Variants in TEK observed in about 807,000 individuals in gnomAD.
TEK encodes TEK receptor tyrosine kinase, also known as angiopoietin-1 receptor.
TEK carries 43 observed loss-of-function variants against 131.8 expected under a neutral mutation model. The observed-to-expected ratio is 0.33, with a 90% CI of 0.26 to 0.42. The LOEUF (loss-of-function observed/expected upper bound fraction) is 0.42. Ranked by LOEUF, TEK falls within the 10% of genes least tolerant of loss-of-function variation. TEK has a pLI of 1.00. For synonymous variants in TEK, 580 were observed against 491.6 expected (o/e 1.18, Z -2.38); for missense variants, 1,162 against 1,384.4 (o/e 0.84, Z 2.55).
chr9:27,110,090 T>C (rs1444186846), intron 1 of TEK, among the ~76,000 whole-genome samples: 1 of 152,018 alleles, frequency 6.6e-6, no homozygotes, highest in African/African-American at 2.4e-5. Flanking sequence ...AGATTGTCAC[T>C]GTTAAAAGGG....
Position 27,130,492 on chromosome 9 carries a change from A to G in TEK, c.52+20850A>G, listed in dbSNP as rs186557252. On this transcript the variant is annotated intron_variant, in intron 1 of 22. Coordinates refer to ENST00000380036, the MANE Select transcript of TEK (RefSeq NM_000459.5). ...ACTTTTTAAGTTTAAAACACAATAGAAGAAACCACAAAACTAAAAATCAGC... is the reference window on the plus strand; with the variant it reads ...ACTTTTTAAGTTTAAAACACAATAGGAGAAACCACAAAACTAAAAATCAGC... 2.6e-3 allele frequency among the ~76,000 whole-genome samples: 396 copies of G among 152,294 alleles called. 3 individuals are homozygous for G. Among genetic ancestry groups the G allele is most frequent in the African/African-American group, 9.1e-3 (379 of 41,566 alleles).
intron 18 of TEK, among the ~76,000 whole-genome samples, chr9:27,214,293 T>G (rs1477890319): frequency 6.6e-6 from 1 of 152,170 alleles, no homozygotes. Context: ...CCATCCTCTC[T>G]TTTCCTTGGG....
At chr9:27,152,618 A>G in intron 1 of TEK, among the ~76,000 whole-genome samples, 1 of 148,636 alleles carries the variant, frequency 6.7e-6, no homozygotes, top group African/African-American at 2.5e-5. Flanking sequence ...AATAAAATAA[A>G]ATAAAGTTGA....
At chr9:27,172,328 G>A (rs1479045497) in intron 4 of TEK, among the ~76,000 whole-genome samples, 2 of 152,164 alleles carry the variant, frequency 1.3e-5, no homozygotes, top group African/African-American at 2.4e-5. Flanking sequence ...TTGCTACTTA[G>A]TTGGTCCTGC....
At chr9:27,169,333 C>T in intron 3 of TEK, 144 bp from the exon 4 acceptor site, 1 of 1,078,148 alleles carries the variant, frequency 9.3e-7, no homozygotes, top group East Asian at 2.4e-5. Flanking sequence ...AATAGTTCAG[C>T]ATTTTCATTC....
At chr9:27,180,668 A>T (rs868349925) in intron 7 of TEK, among the ~76,000 whole-genome samples, 1 of 152,118 alleles carries the variant, frequency 6.6e-6, no homozygotes, top group Middle Eastern at 3.2e-3. Flanking sequence ...TCTAGGACCA[A>T]CCTTTTCCCT....
At chr9:27,114,883 T>C (rs1821489658) in intron 1 of TEK, among the ~76,000 whole-genome samples, 1 of 152,234 alleles carries the variant, frequency 6.6e-6, no homozygotes, top group African/African-American at 2.4e-5. Context: ...TAGATATTTA[T>C]TGAGTTACTG....
At chr9:27,179,980 C>G (rs1824301747) in intron 6 of TEK, among the ~76,000 whole-genome samples, 3 of 152,184 alleles carry the variant, frequency 2.0e-5, no homozygotes, top group Non-Finnish European at 4.4e-5. Flanking sequence ...CTATCCCACT[C>G]TTAAGTGCTT....
intron 1 of TEK, among the ~76,000 whole-genome samples, chr9:27,138,195 G>A (rs1011383523): frequency 6.6e-6 from 1 of 152,244 alleles, no homozygotes; most frequent in Admixed American, 6.5e-5. Flanking sequence ...ATTGTGAAGA[G>A]CAAAAGAACA....
chr9:27,177,330 T>C (rs1301707704), intron 6 of TEK, among the ~76,000 whole-genome samples: 1 of 152,256 alleles, frequency 6.6e-6, no homozygotes, highest in Non-Finnish European at 1.5e-5. Flanking sequence ...GGTTCCCTAT[T>C]ATCTACATCC....
rs114377860 is a variant in TEK, at chr9:27,164,915, A to G, written c.365-3580A>G. Among the ~76,000 whole-genome samples the G allele has an allele frequency of 4.2e-3, 643 of 152,326 alleles. 3 individuals are homozygous for G. The highest frequency in any genetic ancestry group is 0.015 in the African/African-American group (617 of 41,584). ...CTATTAAAAGGTATTTATCGTTTTTATGGCCTAGTCAAGTCACATAACATC... is the reference window on the plus strand; with the variant it reads ...CTATTAAAAGGTATTTATCGTTTTTGTGGCCTAGTCAAGTCACATAACATC... On this transcript the variant is annotated intron_variant, in intron 2 of 22. Coordinates refer to ENST00000380036, the MANE Select transcript of TEK (RefSeq NM_000459.5).
At position 27,185,610 on chromosome 9, in the gene TEK, C is replaced by T. The variant is rs2131174538; in HGVS notation, c.1308C>T (p.Pro436=). Reference sequence around the variant, plus strand: ...CAGTGGCTGGGATGGTGGAAAAGCCCTTCAACATTTCTGTTAAAGGTAAGT... The same window carrying T: ...CAGTGGCTGGGATGGTGGAAAAGCCTTTCAACATTTCTGTTAAAGGTAAGT... ...VNTVAGMVEK[P]FNISVKVLPK... is the part of the protein sequence containing the mutation. Residue 436 remains proline (P), a synonymous_variant, in exon 9 of 23, where the codon CCC becomes CCT. Transcript: ENST00000380036. 1.2e-6 allele frequency: 2 copies of T among 1,613,678 alleles called. No individual in the cohort carries two copies. Among genetic ancestry groups the T allele is most frequent in the East Asian group, 2.2e-5 (1 of 44,858 alleles).
At chr9:27,170,915 A>C (rs1354390217) in intron 4 of TEK, among the ~76,000 whole-genome samples, 1 of 152,222 alleles carries the variant, frequency 6.6e-6, no homozygotes, top group Non-Finnish European at 1.5e-5. Context: ...ATAATCATCC[A>C]TATAAAAAGG....
chr9:27,222,909 TAAAGG>T, intron 21 of TEK, among the ~76,000 whole-genome samples: 2 of 151,898 alleles, frequency 1.3e-5, no homozygotes, highest in African/African-American at 4.8e-5. Context: ...AGGCTCAAAA[TAAAGG>T]GACAGAGGCA....
chr9:27,180,345 A>C lies in TEK; in HGVS notation c.1007A>C (p.Gln336Pro), dbSNP rs772115655. ...GGATGTCTCTGCTCTCCAGGATGGC[A>C]GGGGCTCCAGTGTGAGAGAGAAGGT... ...FQGCLCSPGWQGLQCEREGIQ... is the reference protein window; with the variant it reads ...FQGCLCSPGWPGLQCEREGIQ... The change falls in exon 7 of 23, where the codon CAG becomes CCG. Residue 336 changes from glutamine (Q) to proline (P), a missense_variant. Physicochemically the swap from Gln to Pro is moderately conservative, Grantham distance 76. Around this residue, in one of 6 missense-constraint regions of TEK, gnomAD observed 436 missense variants for 539.1 expected, o/e 0.81. Transcript: ENST00000380036. The C allele has an allele frequency of 1.2e-6, 2 of 1,613,584 alleles. No homozygotes were observed. The highest frequency in any genetic ancestry group is 2.7e-5 in the African/African-American group (2 of 75,006).
chr9:27,110,084 T>A (rs1050333337), intron 1 of TEK, among the ~76,000 whole-genome samples: 1 of 152,024 alleles, frequency 6.6e-6, no homozygotes, highest in African/African-American at 2.4e-5. Flanking sequence ...GTGTATAGAT[T>A]GTCACTGTTA....
chr9:27,183,621 T>C lies in TEK; in HGVS notation c.1182+11T>C, dbSNP rs768476958. On this transcript the variant is annotated intron_variant, in intron 8 of 22. Transcript: ENST00000380036. ...GGGACAGTGCTCCATGTAAGAGCCA[T>C]TCTTAATTTGCCCTTCTTAAAGCAT... 2 of 1,613,586 alleles carry C rather than the reference T, an allele frequency of 1.2e-6. No individual in the cohort carries two copies. Among genetic ancestry groups the C allele is most frequent in the Non-Finnish European group, 1.7e-6 (2 of 1,179,712 alleles).
intron 1 of TEK, among the ~76,000 whole-genome samples, chr9:27,151,359 G>C (rs189576009): frequency 1.3e-5 from 2 of 152,108 alleles, no homozygotes; most frequent in East Asian, 3.9e-4. Context: ...TAGTTCTTAG[G>C]GCCCAACAGA....
intron 15 of TEK, among the ~76,000 whole-genome samples, chr9:27,208,145 G>C (rs1825467009): frequency 6.6e-6 from 1 of 152,148 alleles, no homozygotes. Context: ...GGCAGTTACT[G>C]AAGTGGACAA....
Sources: gnomAD v4.1 joint callset for allele counts (sites outside exome capture counted in the v4.1 genomes callset) on GRCh38, gnomAD v4.1.1 for gene constraint, gnomAD v4.1.1 regional missense constraint, MANE v1.5 for transcripts, NCBI Gene and HGNC (gene_info 2026-07-23, HGNC 2026-07-21) for gene names.